The following PTK2 variants were observed in gnomAD, a reference collection of about 807,000 sequenced individuals.
PTK2 encodes focal adhesion kinase 1.
Under a neutral mutation model 150.1 loss-of-function variants are expected in PTK2, and 45 were observed. The ratio of observed to expected loss-of-function variants is 0.30; its 90% CI spans 0.24 to 0.38. The LOEUF is 0.38. Among genes scored for constraint, PTK2 ranks in the 10% least tolerant of loss-of-function variants. The pLI is 1.00. For synonymous variants in PTK2, 432 were observed against 449.2 expected (o/e 0.96, Z 0.48); for missense variants, 919 against 1,307.3 (o/e 0.70, Z 4.58).
chr8:140,952,999 T>A (rs2100180006), intron 1 of PTK2, among the ~76,000 whole-genome samples: 1 of 152,198 alleles, frequency 6.6e-6, no homozygotes, highest in Non-Finnish European at 1.5e-5. Flanking sequence ...ATCTTCGCAA[T>A]AACCCCATAA....
chr8:140,719,919 AAACAACAACAAC>A (rs1222878569), intron 22 of PTK2, among the ~76,000 whole-genome samples: 8 of 149,688 alleles, frequency 5.3e-5, no homozygotes, highest in East Asian at 3.9e-4. Flanking sequence ...AAAAAATCAA[AAACAACAACAAC>A]AACAACAACA....
At chr8:140,883,916 A>G (rs1458074025) in intron 3 of PTK2, among the ~76,000 whole-genome samples, 1 of 152,152 alleles carries the variant, frequency 6.6e-6, no homozygotes, top group African/African-American at 2.4e-5. Context: ...AGACGTCAGC[A>G]GGGATGTGCT....
At chr8:140,975,040 T>C (rs2100188768) in intron 1 of PTK2, among the ~76,000 whole-genome samples, 1 of 152,182 alleles carries the variant, frequency 6.6e-6, no homozygotes. Flanking sequence ...CTACTCTCCA[T>C]TTCCTCAGTT....
intron 23 of PTK2, among the ~76,000 whole-genome samples, chr8:140,711,288 G>C (rs1434966157): frequency 6.6e-6 from 1 of 152,064 alleles, no homozygotes; most frequent in Non-Finnish European, 1.5e-5. Flanking sequence ...TGTATTTTTA[G>C]TACAGACAGG....
intron 28 of PTK2, 107 bp from the exon 32 acceptor site, chr8:140,674,511 G>A (rs527842825): frequency 1.4e-5 from 13 of 960,650 alleles, no homozygotes; most frequent in East Asian, 2.7e-5. Context: ...AGGCTGAAGC[G>A]GGCAGATCAC....
intron 5 of PTK2, among the ~76,000 whole-genome samples, chr8:140,849,697 C>T (rs2100127946): frequency 6.6e-6 from 1 of 152,166 alleles, no homozygotes; most frequent in African/African-American, 2.4e-5. Context: ...GGAGTATCCA[C>T]CAGGGACCAG....
intron 7 of PTK2, among the ~76,000 whole-genome samples, chr8:140,845,376 G>A (rs1303163680): frequency 6.6e-6 from 1 of 151,946 alleles, no homozygotes; most frequent in Non-Finnish European, 1.5e-5. Flanking sequence ...ACCTTTGCCT[G>A]ATGGTCCATG....
At chr8:140,726,727 C>T (rs1162088975) in intron 22 of PTK2, among the ~76,000 whole-genome samples, 5 of 152,050 alleles carry the variant, frequency 3.3e-5, no homozygotes, top group Non-Finnish European at 7.4e-5. Flanking sequence ...TGATCTGCAC[C>T]ACAAGAAATG....
At chr8:140,892,824 A>G (rs1045149086) in intron 2 of PTK2, among the ~76,000 whole-genome samples, 1 of 152,228 alleles carries the variant, frequency 6.6e-6, no homozygotes, top group African/African-American at 2.4e-5. Context: ...GAGACAATCC[A>G]GACAATTAAT....
chr8:140,890,235 G>T, intron 3 of PTK2: 1 of 265,116 alleles, frequency 3.8e-6, no homozygotes, highest in Non-Finnish European at 7.0e-6. Context: ...GGCTATTTTA[G>T]TTGCATTGTT....
intron 17 of PTK2, chr8:140,751,871 A>G (rs748554535): frequency 1.9e-6 from 1 of 521,584 alleles, no homozygotes; most frequent in Non-Finnish European, 3.8e-6. Context: ...TATGAGCTCC[A>G]TCAGGGCAGG....
chr8:140,680,701 G>C (rs569838956), intron 27 of PTK2, among the ~76,000 whole-genome samples: 1 of 152,060 alleles, frequency 6.6e-6, no homozygotes, highest in Admixed American at 6.6e-5. Flanking sequence ...TAACAATTTA[G>C]GACCAACTGC....
At chr8:140,882,486 T>C (rs1033966060) in intron 3 of PTK2, among the ~76,000 whole-genome samples, 1 of 152,214 alleles carries the variant, frequency 6.6e-6, no homozygotes, top group Non-Finnish European at 1.5e-5. Flanking sequence ...TATCTGGTCC[T>C]ATGAAATACA....
At position 140,739,124 on chromosome 8, in the gene PTK2, A is replaced by AGC; in HGVS notation, c.1736-18_1736-17insGC. On this transcript the variant is annotated splice_polypyrimidine_tract_variant and intron_variant, in intron 20 of 31. Coordinates refer to ENST00000522684, the Ensembl canonical transcript of PTK2. ...CTTTGGAAGCTAGAAGATTAATTTT[A>AGC]GAAAATAAATTTTCCTTGTTATCTG... The AGC allele has an allele frequency of 6.7e-7, 1 of 1,492,590 alleles. No individual in the cohort carries two copies. Among genetic ancestry groups the AGC allele is most frequent in the Non-Finnish European group, 9.0e-7 (1 of 1,105,084 alleles). The allele number at this position is 1,492,590 out of a possible 1,614,324, so 92.5% of individuals were successfully genotyped here. A position where few individuals can be genotyped will look rare whatever the true frequency, so the allele number is the denominator to read the frequency against.
intron 7 of PTK2, among the ~76,000 whole-genome samples, chr8:140,842,704 G>C (rs564139220): frequency 3.5e-4 from 54 of 152,162 alleles, no homozygotes; most frequent in Admixed American, 1.4e-3. Context: ...TTGTATAACT[G>C]CAACGAATCA....
At chr8:140,789,405 A>C in intron 14 of PTK2, 69 bp downstream of exon 14, 2 of 1,472,414 alleles carry the variant, frequency 1.4e-6, no homozygotes, top group Non-Finnish European at 1.9e-6. Context: ...ATTATACTAA[A>C]AATAGACATC....
At chr8:140,699,953 G>C (rs545847601) in intron 26 of PTK2, among the ~76,000 whole-genome samples, 1 of 152,158 alleles carries the variant, frequency 6.6e-6, no homozygotes, top group Admixed American at 6.5e-5. Context: ...AAAAAGTGCT[G>C]AAAATGTTAA....
chr8:140,814,321 T>A (rs550031265), intron 10 of PTK2, among the ~76,000 whole-genome samples: 29 of 152,248 alleles, frequency 1.9e-4, no homozygotes, highest in Non-Finnish European at 3.7e-4. Flanking sequence ...AGAATTATTC[T>A]GATACCAAAA....
chr8:140,895,019 AG>A (rs1304125599), intron 2 of PTK2, among the ~76,000 whole-genome samples: 1 of 152,210 alleles, frequency 6.6e-6, no homozygotes, highest in African/African-American at 2.4e-5. Context: ...ATAAATATCA[AG>A]GGACTAAAAT....
Sources: allele counts gnomAD v4.1 joint callset (sites outside exome capture counted in the v4.1 genomes callset), GRCh38; gene constraint gnomAD v4.1.1; transcripts MANE v1.5; gene names NCBI Gene and HGNC (gene_info 2026-07-23, HGNC 2026-07-21).